HHLA2: variants seen among roughly 807,000 people sequenced by gnomAD.
The protein encoded by HHLA2 is HERV-H LTR-associating protein 2.
HHLA2 carries 48 observed loss-of-function variants against 45.9 expected under a neutral mutation model. The ratio of observed to expected loss-of-function variants is 1.05; its 90% CI spans 0.83 to 1.33. The LOEUF (loss-of-function observed/expected upper bound fraction) is 1.33. Ranked by LOEUF, HHLA2 falls within the 40% of genes most tolerant of loss-of-function variation. The pLI, the probability that HHLA2 is intolerant of heterozygous loss-of-function variation, is 0.00. For missense variants in HHLA2, 462 were observed against 494.3 expected (o/e 0.93, Z 0.62); for synonymous variants, 161 against 173.9 (o/e 0.93, Z 0.59).
At position 108,351,790 on chromosome 3, in the gene HHLA2, T is replaced by C. The variant is rs779502456; in HGVS notation, c.-24T>C. ...TGCACTTTACTTCTCTTTGATAGCATGACTAATATGTTCTGCACAAGACAT... is the reference window on the plus strand; with the variant it reads ...TGCACTTTACTTCTCTTTGATAGCACGACTAATATGTTCTGCACAAGACAT... On this transcript the variant is annotated splice_region_variant and 5_prime_UTR_variant, in exon 4 of 11. It removes an upstream start codon present in the reference 5' UTR. Transcript: ENST00000619531. 1.9e-6 allele frequency: 3 copies of C among 1,605,958 alleles called. No individual in the cohort carries two copies. The highest frequency in any genetic ancestry group is 3.4e-5 in the Admixed American group (2 of 59,600).
intron 8 of HHLA2, 113 bp downstream of exon 7, chr3:108,362,559 G>A: frequency 1.4e-6 from 1 of 723,694 alleles, no homozygotes; most frequent in African/African-American, 1.8e-5. Flanking sequence ...TGAATTTTCT[G>A]GAATGTCATT....
At chr3:108,316,505 A>G (rs1179822380) in intron 2 of HHLA2, among the ~76,000 whole-genome samples, 1 of 152,188 alleles carries the variant, frequency 6.6e-6, no homozygotes, top group Non-Finnish European at 1.5e-5. Flanking sequence ...CTAAGACCTG[A>G]AAGATTAAAA....
At chr3:108,350,186 G>T (rs1459187742) in intron 3 of HHLA2, among the ~76,000 whole-genome samples, 1 of 151,956 alleles carries the variant, frequency 6.6e-6, no homozygotes, top group African/African-American at 2.4e-5. Flanking sequence ...AAATATAAAG[G>T]TCTCAATTTT....
intron 10 of HHLA2, 59 bp downstream of exon 9, chr3:108,376,616 G>A: frequency 7.0e-7 from 1 of 1,423,988 alleles, no homozygotes; most frequent in East Asian, 2.3e-5. Flanking sequence ...CTTTAAAAGG[G>A]TAATTGAAGT....
rs1491435869 is a variant in HHLA2, at chr3:108,353,421, CTG to C, written c.65-4_65-3del. On this transcript the variant is annotated splice_polypyrimidine_tract_variant and splice_region_variant and intron_variant, in intron 4 of 10. Coordinates refer to ENST00000619531, the Ensembl canonical transcript of HHLA2. ...CTCTTTATAACTTCTCTGCTCTTGA[CTG>C]TAGGCATATTCCCTTTGGCTTTCTT... is the stretch of plus-strand genomic sequence containing the variant. 1 of 1,532,662 alleles carries C rather than the reference CTG, an allele frequency of 6.5e-7. No homozygotes were observed. Among genetic ancestry groups the C allele is most frequent in the South Asian group, 1.2e-5 (1 of 83,742 alleles). 94.9% of individuals were successfully genotyped at this position (1,532,662 alleles called of 1,614,324 possible).
intron 1 of HHLA2, among the ~76,000 whole-genome samples, chr3:108,299,504 A>T (rs192155769): frequency 1.1e-3 from 168 of 152,116 alleles, no homozygotes; most frequent in Middle Eastern, 3.4e-3. Context: ...GATTATGAAG[A>T]ATTCCGTCAG....
At chr3:108,342,456 G>C (rs955099806) in intron 3 of HHLA2, among the ~76,000 whole-genome samples, 2 of 151,716 alleles carry the variant, frequency 1.3e-5, no homozygotes, top group East Asian at 3.9e-4. Context: ...GTAGAGACAG[G>C]GTTTCGCCAT....
At chr3:108,306,312 A>G (rs1242053355) in intron 1 of HHLA2, among the ~76,000 whole-genome samples, 1 of 152,158 alleles carries the variant, frequency 6.6e-6, no homozygotes, top group African/African-American at 2.4e-5. Flanking sequence ...GTCATAATAC[A>G]TTATCTGTTT....
chr3:108,337,425 C>A (rs1172548331), intron 3 of HHLA2, among the ~76,000 whole-genome samples: 2 of 152,040 alleles, frequency 1.3e-5, no homozygotes, highest in Non-Finnish European at 2.9e-5. Context: ...TGGTCGCTTG[C>A]CACTGTGAAG....
chr3:108,368,180 G>T (rs60006670), intron 8 of HHLA2, among the ~76,000 whole-genome samples: 5,088 of 151,954 alleles, frequency 0.033, 273 homozygotes, highest in African/African-American at 0.12. Context: ...TCACCACTAG[G>T]CCTGCCTTAC....
chr3:108,315,048 A>G (rs948108498), intron 2 of HHLA2, among the ~76,000 whole-genome samples: 90 of 152,158 alleles, frequency 5.9e-4, no homozygotes, highest in African/African-American at 2.1e-3. Flanking sequence ...TAGAACAAAC[A>G]CCCTTATTTT....
intron 2 of HHLA2, among the ~76,000 whole-genome samples, chr3:108,312,700 C>T (rs376091831): frequency 6.6e-5 from 10 of 152,326 alleles, no homozygotes; most frequent in African/African-American, 2.2e-4. Context: ...CTCAGCCAAG[C>T]TCATTTTTTG....
chr3:108,339,239 C>T (rs909342248), intron 3 of HHLA2, among the ~76,000 whole-genome samples: 1 of 152,128 alleles, frequency 6.6e-6, no homozygotes, highest in East Asian at 1.9e-4. Flanking sequence ...ATAAGACTCA[C>T]AAAAAGGTCA....
Position 108,366,684 on chromosome 3 carries a change from T to C in HHLA2, c.1108+4238T>C, listed in dbSNP as rs990316582. 1.3e-5 allele frequency among the ~76,000 whole-genome samples: 2 copies of C among 152,254 alleles called. 1 individual carries two copies. The highest frequency in any genetic ancestry group is 4.8e-5 in the African/African-American group (2 of 41,470). On this transcript the variant is annotated intron_variant, in intron 8 of 10. Coordinates refer to ENST00000619531, the Ensembl canonical transcript of HHLA2. ...TTATTGGTTTATTCAGAGATTCGACTTCTTCCTGGTTTAGTCTTAGGAGGG... is the reference window on the plus strand; with the variant it reads ...TTATTGGTTTATTCAGAGATTCGACCTCTTCCTGGTTTAGTCTTAGGAGGG...
exon 11 of HHLA2, chr3:108,377,385 CAATTCTACCACTGCAAAG>C: frequency 1.3e-6 from 1 of 750,108 alleles, no homozygotes; most frequent in Non-Finnish European, 2.3e-6. Flanking sequence ...TCGGAGCAGA[CAATTCTACCACTGCAAAG>C]AGTTGTAACC....
At chr3:108,310,588 A>G (rs1220579395) in intron 1 of HHLA2, 67 bp from the exon 2 acceptor site, 1 of 152,616 alleles carries the variant, frequency 6.6e-6, no homozygotes, top group Non-Finnish European at 1.5e-5. Context: ...TGCATCCCAC[A>G]TCCACATTGG....
chr3:108,356,473 T>C (rs903609253), intron 6 of HHLA2, among the ~76,000 whole-genome samples: 1 of 152,198 alleles, frequency 6.6e-6, no homozygotes, highest in Non-Finnish European at 1.5e-5. Context: ...ATACTGAAAT[T>C]GTGGGTGATT....
chr3:108,339,230 T>G (rs1256067773), intron 3 of HHLA2, among the ~76,000 whole-genome samples: 1 of 152,202 alleles, frequency 6.6e-6, no homozygotes, highest in Non-Finnish European at 1.5e-5. Context: ...GAACCAGGTA[T>G]AAGACTCACA....
intron 3 of HHLA2, among the ~76,000 whole-genome samples, chr3:108,332,259 G>A (rs2081398129): frequency 1.3e-5 from 2 of 152,258 alleles, no homozygotes; most frequent in South Asian, 2.1e-4. Flanking sequence ...ACCTCCAGGC[G>A]GTGGGACTAG....
Sources: allele counts gnomAD v4.1 joint callset (sites outside exome capture counted in the v4.1 genomes callset), GRCh38; gene constraint gnomAD v4.1.1; transcripts MANE v1.5; gene names NCBI Gene and HGNC (gene_info 2026-07-23, HGNC 2026-07-21).